SPG7: variants seen among roughly 807,000 people sequenced by gnomAD.
The protein encoded by SPG7 is SPG7 matrix AAA peptidase subunit, paraplegin.
A neutral mutation model predicts 81.9 loss-of-function variants in SPG7; 103 were observed. That is an observed-to-expected ratio of 1.26 (90% CI 1.07 to 1.48). The LOEUF is 1.48. Ranked by LOEUF, SPG7 falls within the 40% of genes most tolerant of loss-of-function variation. SPG7 has a pLI of 0.00. For missense variants in SPG7, 1,241 were observed against 1,087.3 expected, an observed-to-expected ratio of 1.14 and a Z score of -1.99; for synonymous variants, 534 against 444.2, an observed-to-expected ratio of 1.20 and a Z score of -2.54.
chr16:89,509,135 T>G (rs575111667), intron 1 of SPG7: 8 of 371,056 alleles, frequency 2.2e-5, no homozygotes, highest in African/African-American at 1.5e-4. Flanking sequence ...TTTCAGGTTC[T>G]GCTAAGGATA....
At chr16:89,543,364 T>TTTTTTTTTTTTTTGG (rs2058523513) in intron 9 of SPG7, 1 of 146,344 alleles carries the variant, frequency 6.8e-6, no homozygotes, top group East Asian at 2.0e-4. Flanking sequence ...TTTTTTTTTT[T>TTTTTTTTTTTTTTGG]GAGAGTCTTG....
At chr16:89,546,471 A>G in intron 10 of SPG7, 187 bp from the exon 11 acceptor site, 1 of 596,438 alleles carries the variant, frequency 1.7e-6, no homozygotes, top group South Asian at 1.7e-5. Flanking sequence ...TGAAGCCAGG[A>G]GTTCGAGACC....
intron 3 of SPG7, chr16:89,519,379 A>AT (rs1011228954): frequency 1.1e-3 from 166 of 147,150 alleles, no homozygotes; most frequent in African/African-American, 3.7e-3. Flanking sequence ...AGTTGCTAAC[A>AT]TTTTTTTTTT....
chr16:89,510,825 C>G (rs139783203), intron 2 of SPG7, among the ~76,000 whole-genome samples: 177 of 152,270 alleles, frequency 1.2e-3, no homozygotes, highest in African/African-American at 4.1e-3. Context: ...CCGTCACACT[C>G]GGCTAATTGT....
chr16:89,545,823 C>T (rs1226573242), intron 10 of SPG7: 1 of 402,632 alleles, frequency 2.5e-6, no homozygotes, highest in Admixed American at 3.0e-5. Flanking sequence ...ATTAGCTATT[C>T]TGCTATAATT....
chr16:89,525,752 A>G (rs1345362165), intron 4 of SPG7, among the ~76,000 whole-genome samples: 1 of 152,168 alleles, frequency 6.6e-6, no homozygotes, highest in African/African-American at 2.4e-5. Flanking sequence ...GTGGTTAAAC[A>G]TGAACCCTCT....
chr16:89,537,557 G>T (rs1169244304), intron 9 of SPG7: 5 of 991,632 alleles, frequency 5.0e-6, no homozygotes, highest in Non-Finnish European at 6.0e-6. Context: ...TCAGAGACAG[G>T]GTGTCGTTCT....
intron 4 of SPG7, among the ~76,000 whole-genome samples, chr16:89,524,994 C>T (rs1304889561): frequency 7.3e-6 from 1 of 136,762 alleles, no homozygotes; most frequent in Non-Finnish European, 1.6e-5. Context: ...CCCTCTGTCT[C>T]ATCCAGGCTG....
chr16:89,527,912 A>G (rs1426184406), intron 5 of SPG7, among the ~76,000 whole-genome samples: 1 of 151,838 alleles, frequency 6.6e-6, no homozygotes, highest in Non-Finnish European at 1.5e-5. Context: ...TCTGGGCAGC[A>G]TGGAGAACCC....
Position 89,524,200 on chromosome 16 carries a change from G to C in SPG7, c.571G>C (p.Val191Leu), listed in dbSNP as rs369983524. 1.2e-6 allele frequency: 2 copies of C among 1,613,760 alleles called. No individual in the cohort carries two copies. Residue 191 changes from valine (V) to leucine (L), a missense_variant, in exon 4 of 17, where the codon GTG becomes CTG. Val to Leu is a conservative substitution (Grantham distance 32, BLOSUM62 1). Coordinates refer to ENST00000645818, the MANE Select transcript of SPG7 (RefSeq NM_003119.4). The stretch of plus-strand genomic sequence containing the variant: ...CGTCCAGGTGGTGCCTGAGAGCGAC[G>C]TGGTGGAAGTCTACCTGCACCCTGG... Reference protein sequence around the residue: ...QRVQVVPESDVVEVYLHPGAV... With the variant: ...QRVQVVPESDLVEVYLHPGAV...
At position 89,553,002 on chromosome 16, in the gene SPG7, C is replaced by T. The variant is rs751293018; in HGVS notation, c.1803C>T (p.Asn601=). The T allele has an allele frequency of 7.4e-6, 12 of 1,613,852 alleles. No homozygotes were observed. In the East Asian group the frequency reaches 1.1e-4, roughly 15 times the overall value. The stretch of plus-strand genomic sequence containing the variant: ...AGGTCTCCATAACCCCTCGGACAAA[C>T]GCCGCCCTGGGCTTTGCTCAGATGC... ...VMKVSITPRT[N]AALGFAQMLP... The change falls in exon 14 of 17, where the codon AAC becomes AAT. Residue 601 remains asparagine, a synonymous_variant. Transcript: ENST00000645818.
At chr16:89,508,656 C>T in intron 1 of SPG7, 56 bp downstream of exon 1, 2 of 1,422,816 alleles carry the variant, frequency 1.4e-6, no homozygotes, top group South Asian at 3.0e-5. Flanking sequence ...TCTGTAAGGC[C>T]CAGCCCGGCG....
intron 15 of SPG7, 23 bp from the exon 16 acceptor site, chr16:89,554,463 G>A: frequency 6.3e-7 from 1 of 1,581,468 alleles, no homozygotes; most frequent in African/African-American, 1.4e-5. Context: ...CCTTGCCCCT[G>A]ACACAGTTCC....
chr16:89,530,580 G>A (rs2086274990), intron 6 of SPG7, 103 bp from the exon 7 acceptor site: 3 of 1,312,376 alleles, frequency 2.3e-6, no homozygotes, highest in Non-Finnish European at 3.3e-6. Flanking sequence ...CTAGGATGGA[G>A]ACGTGGGGTT....
rs564481011 is a variant in SPG7 at position 89,537,932 on chromosome 16, G to A, written c.1324+5296G>A. 251 of 246,082 alleles carry A rather than the reference G, an allele frequency of 1.0e-3. 3 individuals carry two copies. The Middle Eastern group carries it at 0.011, about 10-fold the overall frequency. The allele number at this position is 246,082 out of a possible 1,614,324, so 15.2% of individuals were successfully genotyped here. A position where few individuals can be genotyped will look rare whatever the true frequency, so the allele number is the denominator to read the frequency against. On this transcript the variant is annotated intron_variant, in intron 9 of 16. Transcript: ENST00000645818. Reference sequence around the variant, plus strand: ...CCAGGTGGGTAGATGGGCGCTGGCAGAGGGAGAAGCTGAGGCCCAGCAGGA... The same window carrying A: ...CCAGGTGGGTAGATGGGCGCTGGCAAAGGGAGAAGCTGAGGCCCAGCAGGA...
chr16:89,537,779 G>C, intron 9 of SPG7: 1 of 985,456 alleles, frequency 1.0e-6, no homozygotes, highest in Non-Finnish European at 1.2e-6. Flanking sequence ...TCTGGGCAGT[G>C]AATGAGGTCC....
At chr16:89,512,869 TAGG>T (rs2058040104) in intron 2 of SPG7, 76 bp from the exon 3 acceptor site, 1 of 1,515,966 alleles carries the variant, frequency 6.6e-7, no homozygotes, top group African/African-American at 1.4e-5. Context: ...TTTGGTTATT[TAGG>T]AGTACACTGT....
At chr16:89,508,954 G>C (rs1364332659) in intron 1 of SPG7, 3 of 506,596 alleles carry the variant, frequency 5.9e-6, no homozygotes, top group African/African-American at 5.8e-5. Flanking sequence ...CCTGTGGATC[G>C]ATTCCGTCAC....
chr16:89,511,972 C>G (rs905133410), intron 2 of SPG7, among the ~76,000 whole-genome samples: 2 of 149,938 alleles, frequency 1.3e-5, no homozygotes, highest in Non-Finnish European at 3.0e-5. Context: ...AGTGCAGTGG[C>G]GCGATCTCCG....
Sources: allele counts gnomAD v4.1 joint callset (sites outside exome capture counted in the v4.1 genomes callset), GRCh38; gene constraint gnomAD v4.1.1; transcripts MANE v1.5; gene names NCBI Gene and HGNC (gene_info 2026-07-23, HGNC 2026-07-21).